The following VWC2L variants were observed in gnomAD, a reference collection of about 807,000 sequenced individuals.
The protein encoded by VWC2L is von Willebrand factor C domain containing 2 like.
A neutral mutation model predicts 21.6 loss-of-function variants in VWC2L; 10 were observed. The observed-to-expected ratio is 0.46, with a 90% CI of 0.29 to 0.78. The LOEUF (loss-of-function observed/expected upper bound fraction) is 0.78. VWC2L is among the 30% of genes least tolerant of loss of function. The pLI is 0.10. For synonymous variants in VWC2L, 96 were observed against 94.3 expected (o/e 1.02, Z -0.10); for missense variants, 209 against 277.1 (o/e 0.75, Z 1.74).
chr2:214,462,116 C>G (rs1296387482), intron 3 of VWC2L, among the ~76,000 whole-genome samples: 2 of 152,178 alleles, frequency 1.3e-5, no homozygotes, highest in Non-Finnish European at 2.9e-5. Context: ...CTAGTGGAAG[C>G]TAGGCTCTCA....
intron 3 of VWC2L, among the ~76,000 whole-genome samples, chr2:214,455,458 T>C (rs961618116): frequency 2.0e-5 from 3 of 152,196 alleles, no homozygotes; most frequent in African/African-American, 7.2e-5. Flanking sequence ...ATTTAATATA[T>C]TGTCAAATGC....
chr2:214,461,658 G>A (rs1198291926), intron 3 of VWC2L, among the ~76,000 whole-genome samples: 1 of 152,176 alleles, frequency 6.6e-6, no homozygotes, highest in Non-Finnish European at 1.5e-5. Context: ...CTCAGGCACT[G>A]GAGCCGGCAG....
chr2:214,554,472 T>A (rs572219553), intron 3 of VWC2L, among the ~76,000 whole-genome samples: 1 of 152,188 alleles, frequency 6.6e-6, no homozygotes, highest in South Asian at 2.1e-4. Flanking sequence ...AAGACCGGCC[T>A]GAATAACATG....
intron 2 of VWC2L, 60 bp downstream of exon 2, chr2:214,414,643 A>G (rs2126168529): frequency 2.6e-6 from 4 of 1,534,952 alleles, no homozygotes; most frequent in South Asian, 1.2e-5. Context: ...TGCTTAGTAC[A>G]TTGCTACATT....
At chr2:214,566,129 G>C (rs1690058737) in intron 3 of VWC2L, among the ~76,000 whole-genome samples, 1 of 152,102 alleles carries the variant, frequency 6.6e-6, no homozygotes, top group South Asian at 2.1e-4. Context: ...GGGAAGTTTG[G>C]CTGAGAGATT....
At chr2:214,438,596 C>T (rs972314742) in intron 3 of VWC2L, among the ~76,000 whole-genome samples, 1 of 152,024 alleles carries the variant, frequency 6.6e-6, no homozygotes, top group African/African-American at 2.4e-5. Flanking sequence ...AGTTTTTACA[C>T]ATGCATCTAT....
rs545686362 is a variant in VWC2L, at chr2:214,558,295, C to T, written c.521-17377C>T. ...CTTTCTTCTTGCAGGACATCAAATG[C>T]TCATTCACTCCCCTGAATTCAATTA... On this transcript the variant is annotated intron_variant, in intron 3 of 3. Coordinates refer to ENST00000312504, the MANE Select transcript of VWC2L (RefSeq NM_001080500.4). 4.6e-5 allele frequency among the ~76,000 whole-genome samples: 7 copies of T among 152,256 alleles called. 1 individual carries two copies. Among genetic ancestry groups the T allele is most frequent in the Non-Finnish European group, 7.4e-5 (5 of 68,020 alleles).
chr2:214,570,056 C>T (rs1690127512), intron 3 of VWC2L, among the ~76,000 whole-genome samples: 1 of 151,880 alleles, frequency 6.6e-6, no homozygotes, highest in Non-Finnish European at 1.5e-5. Context: ...TTTGTAGAAT[C>T]CTGGATGATT....
chr2:214,443,403 C>CTGGA (rs1193038224), intron 3 of VWC2L, among the ~76,000 whole-genome samples: 2 of 151,828 alleles, frequency 1.3e-5, no homozygotes, highest in Non-Finnish European at 2.9e-5. Flanking sequence ...AAAAAAAAAC[C>CTGGA]TGGATTTTCA....
intron 3 of VWC2L, among the ~76,000 whole-genome samples, chr2:214,441,625 CT>C (rs1447813443): frequency 6.6e-6 from 1 of 151,896 alleles, no homozygotes; most frequent in Non-Finnish European, 1.5e-5. Context: ...ACCTTTTGTA[CT>C]TTTTCCCACA....
intron 3 of VWC2L, among the ~76,000 whole-genome samples, chr2:214,518,289 A>C (rs1689177379): frequency 6.6e-6 from 1 of 152,234 alleles, no homozygotes; most frequent in African/African-American, 2.4e-5. Context: ...CAGTTTTCTC[A>C]TATGTAGTAT....
intron 3 of VWC2L, among the ~76,000 whole-genome samples, chr2:214,571,158 T>C (rs1167732513): frequency 6.6e-6 from 1 of 152,168 alleles, no homozygotes; most frequent in Non-Finnish European, 1.5e-5. Context: ...AAAAACCAAC[T>C]AGACTTCTAA....
intron 3 of VWC2L, among the ~76,000 whole-genome samples, chr2:214,544,763 G>A (rs568804808): frequency 6.6e-6 from 1 of 152,242 alleles, no homozygotes; most frequent in South Asian, 2.1e-4. Flanking sequence ...GGTTAATGGA[G>A]TGATCTCTTC....
At chr2:214,572,790 T>A (rs923287958) in intron 3 of VWC2L, among the ~76,000 whole-genome samples, 3 of 152,154 alleles carry the variant, frequency 2.0e-5, no homozygotes, top group African/African-American at 7.2e-5. Flanking sequence ...TAATAAAAAA[T>A]CACTGTACTA....
At chr2:214,534,617 G>C (rs1026201043) in intron 3 of VWC2L, among the ~76,000 whole-genome samples, 10 of 152,054 alleles carry the variant, frequency 6.6e-5, no homozygotes, top group Non-Finnish European at 1.0e-4. Flanking sequence ...CATCCTACAA[G>C]ATCATAGATA....
intron 3 of VWC2L, among the ~76,000 whole-genome samples, chr2:214,474,121 A>T (rs1485639045): frequency 6.6e-6 from 1 of 152,166 alleles, no homozygotes; most frequent in African/African-American, 2.4e-5. Flanking sequence ...ATTTCCAATA[A>T]AATTATTTTT....
chr2:214,532,930 G>A (rs990986650), intron 3 of VWC2L, among the ~76,000 whole-genome samples: 1 of 138,276 alleles, frequency 7.2e-6, no homozygotes, highest in African/African-American at 2.7e-5. Flanking sequence ...CTAGAGAGAG[G>A]GGACCCTGAC....
chr2:214,508,093 C>A (rs562543612), intron 3 of VWC2L, among the ~76,000 whole-genome samples: 1 of 152,258 alleles, frequency 6.6e-6, no homozygotes, highest in African/African-American at 2.4e-5. Flanking sequence ...TCTCCTGCCT[C>A]AGCCTCCCAA....
chr2:214,465,851 G>C (rs1030620395), intron 3 of VWC2L, among the ~76,000 whole-genome samples: 1 of 152,138 alleles, frequency 6.6e-6, no homozygotes, highest in Non-Finnish European at 1.5e-5. Context: ...TTCCTCTGTG[G>C]AATTCAGAAG....
Sources: gnomAD v4.1 joint callset for allele counts (sites outside exome capture counted in the v4.1 genomes callset) on GRCh38, gnomAD v4.1.1 for gene constraint, MANE v1.5 for transcripts, NCBI Gene and HGNC (gene_info 2026-07-23, HGNC 2026-07-21) for gene names.